MSRA: variants seen among roughly 807,000 people sequenced by gnomAD.
The protein encoded by MSRA is methionine sulfoxide reductase A.
MSRA carries 54 observed loss-of-function variants against 31.3 expected under a neutral mutation model. The ratio of observed to expected loss-of-function variants is 1.73; its 90% CI spans 1.39 to 2.17. The LOEUF (loss-of-function observed/expected upper bound fraction) is 2.17, where lower values mean the gene tolerates loss of function less well. Ranked by LOEUF, MSRA falls within the 30% of genes most tolerant of loss-of-function variation. The probability of loss-of-function intolerance (pLI) is 0.00; values close to 1 mark genes in which losing one functional copy is unlikely to be tolerated. For synonymous variants in MSRA, 169 were observed against 116.5 expected (o/e 1.45, Z -2.90); for missense variants, 507 against 300.9 (o/e 1.69, Z -5.07).
chr8:10,428,432 C>G lies in MSRA; in HGVS notation c.*120C>G. On this transcript the variant is annotated 3_prime_UTR_variant, in exon 6 of 6. Transcript: ENST00000317173. ...TGCACAAAGTACAAAGGAATTTATA[C>G]AGATTGGGTTTACCGAAGTATAATC... 1 of 1,107,422 alleles carries G rather than the reference C, an allele frequency of 9.0e-7. No homozygotes were observed. The highest frequency in any genetic ancestry group is 2.7e-5 in the Admixed American group (1 of 37,554). 68.6% of individuals were successfully genotyped at this position (1,107,422 alleles called of 1,614,324 possible).
At position 10,376,351 on chromosome 8, in the gene MSRA, A is replaced by T. The variant is rs533818208; in HGVS notation, c.544-51797A>T. Among the ~76,000 whole-genome samples, 357 of 152,280 alleles carry T rather than the reference A, an allele frequency of 2.3e-3. 2 individuals carry two copies. The highest frequency in any genetic ancestry group is 3.9e-3 in the Non-Finnish European group (268 of 68,020). Reference sequence around the variant, plus strand: ...CACTTAATAGCAAGGCATCTGTAGGACTGCGCCTGTATTTTTAATCAAGTG... The same window carrying T: ...CACTTAATAGCAAGGCATCTGTAGGTCTGCGCCTGTATTTTTAATCAAGTG... On this transcript the variant is annotated intron_variant, in intron 5 of 5. Transcript: ENST00000317173.
chr8:10,272,504 G>A (rs937766547), intron 3 of MSRA, among the ~76,000 whole-genome samples: 1 of 152,202 alleles, frequency 6.6e-6, no homozygotes, highest in African/African-American at 2.4e-5. Context: ...TCAACTTACT[G>A]GGTGAGGACC....
At chr8:10,143,885 T>G (rs1802915602) in intron 1 of MSRA, among the ~76,000 whole-genome samples, 1 of 152,226 alleles carries the variant, frequency 6.6e-6, no homozygotes, top group African/African-American at 2.4e-5. Flanking sequence ...TTTTCTTTCT[T>G]TCTCATCGAT....
intron 1 of MSRA, among the ~76,000 whole-genome samples, chr8:10,105,779 A>T (rs1247999906): frequency 1.3e-5 from 2 of 152,144 alleles, no homozygotes; most frequent in Non-Finnish European, 2.9e-5. Flanking sequence ...CTCCTTGTGT[A>T]TCTTTTGTTG....
chr8:10,163,365 C>T (rs182155846), intron 1 of MSRA, among the ~76,000 whole-genome samples: 10 of 152,312 alleles, frequency 6.6e-5, no homozygotes, highest in Non-Finnish European at 1.3e-4. Context: ...TCTTTCTAAA[C>T]GGCACCCACC....
rs138921704 is a variant in MSRA, at chr8:10,348,276, G to A, written c.543+28287G>A. ...TTGAATCCGTGCTAGGGCCTTCTCC[G>A]CGGAGATTTTTTTTTCTTGAGGCCT... On this transcript the variant is annotated intron_variant, in intron 5 of 5. Transcript: ENST00000317173. Among the ~76,000 whole-genome samples, 671 of 151,348 alleles carry A rather than the reference G, an allele frequency of 4.4e-3. 1 individual carries two copies. The highest frequency in any genetic ancestry group is 0.015 in the African/African-American group (622 of 41,136).
At chr8:10,148,432 A>C (rs1456611963) in intron 1 of MSRA, among the ~76,000 whole-genome samples, 1 of 151,702 alleles carries the variant, frequency 6.6e-6, no homozygotes, top group Non-Finnish European at 1.5e-5. Flanking sequence ...AGATCACTTG[A>C]GGTCAAGAGT....
At chr8:10,385,284 TGGG>T (rs1174949072) in intron 5 of MSRA, among the ~76,000 whole-genome samples, 1 of 152,030 alleles carries the variant, frequency 6.6e-6, no homozygotes, top group Non-Finnish European at 1.5e-5. Flanking sequence ...ATACTGAAGT[TGGG>T]GGGATTCAGG....
At chr8:10,198,691 A>G (rs917634612) in intron 1 of MSRA, among the ~76,000 whole-genome samples, 3 of 152,146 alleles carry the variant, frequency 2.0e-5, no homozygotes, top group Non-Finnish European at 4.4e-5. Context: ...TGGGACAGTC[A>G]TAGCTCAATG....
At chr8:10,264,070 T>A (rs929914961) in intron 3 of MSRA, among the ~76,000 whole-genome samples, 1 of 152,214 alleles carries the variant, frequency 6.6e-6, no homozygotes, top group East Asian at 1.9e-4. Flanking sequence ...AGCTAATGAT[T>A]TATTTCAACA....
At chr8:10,362,753 G>C (rs1312236446) in intron 5 of MSRA, among the ~76,000 whole-genome samples, 1 of 151,976 alleles carries the variant, frequency 6.6e-6, no homozygotes, top group African/African-American at 2.4e-5. Context: ...CTGCCTGCTG[G>C]TCCTGATTTC....
At chr8:10,169,314 A>C (rs1805406130) in intron 1 of MSRA, among the ~76,000 whole-genome samples, 1 of 152,192 alleles carries the variant, frequency 6.6e-6, no homozygotes, top group Non-Finnish European at 1.5e-5. Flanking sequence ...ACTTGCCTTA[A>C]CTGAGGGAAG....
intron 4 of MSRA, among the ~76,000 whole-genome samples, chr8:10,303,370 C>T (rs150329990): frequency 6.6e-5 from 10 of 152,262 alleles, no homozygotes; most frequent in African/African-American, 2.2e-4. Context: ...CCCTGAACCT[C>T]GGGGGGAATA....
intron 1 of MSRA, among the ~76,000 whole-genome samples, chr8:10,158,157 CATGA>C (rs1263319004): frequency 6.6e-6 from 1 of 152,204 alleles, no homozygotes; most frequent in Non-Finnish European, 1.5e-5. Context: ...GCCCCATCCT[CATGA>C]CTGACTAATA....
intron 1 of MSRA, among the ~76,000 whole-genome samples, chr8:10,180,917 T>G (rs1806477962): frequency 6.6e-6 from 1 of 152,200 alleles, no homozygotes; most frequent in Non-Finnish European, 1.5e-5. Flanking sequence ...ATTGGAAAAT[T>G]CTGTTTTAGT....
At chr8:10,223,053 A>T (rs966033942) in intron 2 of MSRA, among the ~76,000 whole-genome samples, 1 of 152,228 alleles carries the variant, frequency 6.6e-6, no homozygotes. Context: ...ATATATCAAT[A>T]CATCACGTTT....
intron 5 of MSRA, among the ~76,000 whole-genome samples, chr8:10,369,677 T>G (rs1258911746): frequency 6.6e-6 from 1 of 152,218 alleles, no homozygotes; most frequent in East Asian, 1.9e-4. Flanking sequence ...GTTAAAATAA[T>G]TATTAATACG....
intron 5 of MSRA, among the ~76,000 whole-genome samples, chr8:10,426,385 G>T (rs749219935): frequency 3.3e-5 from 5 of 152,234 alleles, no homozygotes; most frequent in Non-Finnish European, 7.3e-5. Flanking sequence ...AAGATTTCAG[G>T]ATACCAAGAA....
intron 2 of MSRA, among the ~76,000 whole-genome samples, chr8:10,227,721 G>A (rs11781625): frequency 0.15 from 22,656 of 152,122 alleles, 1,948 homozygotes; most frequent in East Asian, 0.29. Context: ...TCAAATTAAA[G>A]CAGCATTAGG....
Sources: gnomAD v4.1 joint callset for allele counts (sites outside exome capture counted in the v4.1 genomes callset) on GRCh38, gnomAD v4.1.1 for gene constraint, MANE v1.5 for transcripts, NCBI Gene and HGNC (gene_info 2026-07-23, HGNC 2026-07-21) for gene names.